Variants in DMD observed in about 807,000 individuals in gnomAD.
DMD encodes the protein dystrophin, also known as mutant dystrophin.
In DMD, 63 loss-of-function variants were observed where a neutral mutation model predicts 330.1. That is an observed-to-expected ratio of 0.19 (90% CI 0.16 to 0.24). The LOEUF (loss-of-function observed/expected upper bound fraction) is 0.24, where lower values mean the gene tolerates loss of function less well. Ranked by LOEUF, DMD falls within the 10% of genes least tolerant of loss-of-function variation. The pLI, the probability that DMD is intolerant of heterozygous loss-of-function variation, is 1.00. For synonymous variants in DMD, 1,223 were observed against 959.8 expected (o/e 1.27, Z -5.07); for missense variants, 3,344 against 2,684.1 (o/e 1.25, Z -5.43).
chrX:32,910,428 CTT>C (rs1437944447), intron 2 of DMD, among the ~76,000 whole-genome samples: 3 of 111,066 alleles, frequency 2.7e-5, no homozygotes, highest in Non-Finnish European at 5.7e-5. Context: ...AATGCAATTT[CTT>C]TTTCTTTTAT....
chrX:32,357,340 G>C (rs968985943), intron 37 of DMD, among the ~76,000 whole-genome samples: 1 of 111,228 alleles, frequency 9.0e-6, no homozygotes, highest in Non-Finnish European at 1.9e-5. Context: ...TCTAAGCGTG[G>C]TCCCTAGACC....
chrX:33,136,269 AC>A (rs1223187405), intron 1 of DMD, among the ~76,000 whole-genome samples: 1 of 55,338 alleles, frequency 1.8e-5, no homozygotes, highest in African/African-American at 8.0e-5. Context: ...GCAGAGTGAG[AC>A]CCCGTCTCAA....
intron 44 of DMD, among the ~76,000 whole-genome samples, chrX:32,085,933 A>G (rs1298438976): frequency 9.0e-6 from 1 of 111,555 alleles, no homozygotes. Flanking sequence ...TATGTCTGCA[A>G]CAGCACTATT....
chrX:31,859,200 C>T (rs1423098710), intron 48 of DMD, among the ~76,000 whole-genome samples: 1 of 111,285 alleles, frequency 9.0e-6, no homozygotes, highest in Non-Finnish European at 1.9e-5. Context: ...TATAATGCTT[C>T]CTCATCTGTC....
chrX:32,126,929 T>A (rs185999648), intron 44 of DMD, among the ~76,000 whole-genome samples: 4 of 112,505 alleles, frequency 3.6e-5, no homozygotes, highest in African/African-American at 1.3e-4. Flanking sequence ...ATCTAATTAA[T>A]AAGGCCAGCA....
intron 53 of DMD, among the ~76,000 whole-genome samples, chrX:31,666,144 G>GT (rs1441726284): frequency 9.0e-6 from 1 of 111,563 alleles, no homozygotes; most frequent in African/African-American, 3.3e-5. Context: ...AGAAAATGGC[G>GT]TTTTTTCAGC....
chrX:32,689,947 CACA>C (rs778823539), intron 9 of DMD, among the ~76,000 whole-genome samples: 1 of 110,415 alleles, frequency 9.1e-6, no homozygotes, highest in East Asian at 2.8e-4. Flanking sequence ...CAGGTCATAT[CACA>C]ACAACTGCGA....
intron 7 of DMD, among the ~76,000 whole-genome samples, chrX:32,776,191 T>C (rs765896883): frequency 9.9e-5 from 11 of 111,046 alleles, no homozygotes; most frequent in Non-Finnish European, 2.1e-4. Flanking sequence ...CTGGACTTCA[T>C]TGTCCGTATC....
chrX:31,386,692 T>C (rs948301243), intron 60 of DMD, among the ~76,000 whole-genome samples: 11 of 112,270 alleles, frequency 9.8e-5, no homozygotes, highest in Non-Finnish European at 5.6e-5. Flanking sequence ...GACTGTATGA[T>C]GAATGAATGA....
chrX:31,909,748 A>G lies in DMD; in HGVS notation c.6912+19848T>C, dbSNP rs544911730. ...ATTCATTCTATCATTTTACTTGAATATCATAAAAATCTCTCGGTTAGTGTT... is the reference window on the plus strand; with the variant it reads ...ATTCATTCTATCATTTTACTTGAATGTCATAAAAATCTCTCGGTTAGTGTT... On this transcript the variant is annotated intron_variant, in intron 47 of 78. Coordinates refer to ENST00000357033, the MANE Select transcript of DMD (RefSeq NM_004006.3). Among the ~76,000 whole-genome samples, 12 of 112,296 alleles carry G rather than the reference A, an allele frequency of 1.1e-4. No individual in the cohort carries two copies. In the East Asian group the frequency reaches 3.1e-3, roughly 29 times the overall value.
At chrX:32,530,717 G>A (rs190609595) in intron 17 of DMD, among the ~76,000 whole-genome samples, 2 of 112,051 alleles carry the variant, frequency 1.8e-5, no homozygotes, top group Admixed American at 1.9e-4. Context: ...ATAAAATGCT[G>A]CTAAGCCACA....
At chrX:32,758,721 G>A (rs931815926) in intron 7 of DMD, among the ~76,000 whole-genome samples, 1 of 110,816 alleles carries the variant, frequency 9.0e-6, no homozygotes, top group Non-Finnish European at 1.9e-5. Context: ...ATAACAAAGT[G>A]TAAGAGCTTA....
chrX:31,914,904 C>T (rs1265421874), intron 47 of DMD, among the ~76,000 whole-genome samples: 1 of 112,504 alleles, frequency 8.9e-6, no homozygotes, highest in African/African-American at 3.2e-5. Flanking sequence ...TTGTTTGTAA[C>T]ACAAAAGATT....
chrX:32,755,123 C>A (rs890539500), intron 7 of DMD: 1 of 110,789 alleles, frequency 9.0e-6, no homozygotes, highest in Middle Eastern at 4.2e-3. Context: ...AAGAATTGCC[C>A]ATGTATCTGC....
intron 60 of DMD, among the ~76,000 whole-genome samples, chrX:31,358,704 T>C (rs2058785151): frequency 8.9e-6 from 1 of 112,698 alleles, no homozygotes; most frequent in Non-Finnish European, 1.9e-5. Context: ...GTTCCCATAT[T>C]TTCCATAAGA....
At chrX:32,652,711 T>C (rs997667124) in intron 9 of DMD, among the ~76,000 whole-genome samples, 1 of 111,588 alleles carries the variant, frequency 9.0e-6, no homozygotes, top group African/African-American at 3.3e-5. Flanking sequence ...ATGGTATTTC[T>C]AGTTCTAGAT....
chrX:32,289,555 C>T (rs1207615765), intron 42 of DMD, among the ~76,000 whole-genome samples: 1 of 110,976 alleles, frequency 9.0e-6, no homozygotes, highest in African/African-American at 3.3e-5. Flanking sequence ...GAACAAGATA[C>T]GGGTCACAAA....
Position 32,210,709 on chromosome X carries a change from G to A in DMD, c.6438+6207C>T, listed in dbSNP as rs777399603. Among the ~76,000 whole-genome samples, 4 of 111,656 alleles carry A rather than the reference G, an allele frequency of 3.6e-5. No individual in the cohort carries two copies. The Admixed American group carries it at 3.8e-4, about 11-fold the overall frequency. On this transcript the variant is annotated intron_variant, in intron 44 of 78. Coordinates refer to ENST00000357033, the MANE Select transcript of DMD (RefSeq NM_004006.3). ...ATAAAAATACGAAAACTCATTCTCT[G>A]TAGCAGATACTGTCAGTGACCTATG...
chrX:32,622,969 C>A (rs901732372), intron 11 of DMD, among the ~76,000 whole-genome samples: 3 of 111,584 alleles, frequency 2.7e-5, no homozygotes, highest in Non-Finnish European at 1.9e-5. Context: ...CACTGCTAGT[C>A]TACTTAAGGT....
Sources: gnomAD v4.1 joint callset for allele counts (sites outside exome capture counted in the v4.1 genomes callset) on GRCh38, gnomAD v4.1.1 for gene constraint, MANE v1.5 for transcripts, NCBI Gene and HGNC (gene_info 2026-07-23, HGNC 2026-07-21) for gene names.